SHISAL1: variants seen among roughly 807,000 people sequenced by gnomAD.
SHISAL1 encodes the protein protein shisa-like-1.
In SHISAL1, 9 loss-of-function variants were observed where a neutral mutation model predicts 22.6. The observed-to-expected ratio is 0.40, with a 90% confidence interval of 0.24 to 0.70. The LOEUF is 0.70. SHISAL1 is among the 30% of genes least tolerant of loss of function. SHISAL1 has a pLI of 0.39. For missense variants in SHISAL1, 246 were observed against 270.6 expected (o/e 0.91, Z 0.64); for synonymous variants, 119 against 115.4 (o/e 1.03, Z -0.20).
chr22:44,326,725 G>A, the SHISAL1 span, among the ~76,000 whole-genome samples: 67 of 152,096 alleles, frequency 4.4e-4, no homozygotes, highest in African/African-American at 1.5e-3. Flanking sequence ...AGAGCAGGCT[G>A]GGGGGTATGG....
intron 4 of SHISAL1, among the ~76,000 whole-genome samples, chr22:44,279,579 T>A (rs748055412): frequency 3.9e-5 from 6 of 152,136 alleles, no homozygotes; most frequent in East Asian, 1.9e-4. Flanking sequence ...GGAGGACGAA[T>A]GAGTTTTGCA....
chr22:44,267,705 G>A (rs73888955), intron 4 of SHISAL1, among the ~76,000 whole-genome samples: 5,288 of 152,232 alleles, frequency 0.035, 335 homozygotes, highest in African/African-American at 0.12. Context: ...CCACACTCAT[G>A]CCACCTGGCT....
At chr22:44,325,193 A>T in the SHISAL1 span, among the ~76,000 whole-genome samples, 1 of 150,906 alleles carries the variant, frequency 6.6e-6, no homozygotes, top group South Asian at 2.1e-4. Context: ...CAGTGAGCTG[A>T]GATTGAGCAA....
chr22:44,315,980 G>A (rs899490139), upstream of SHISAL1, among the ~76,000 whole-genome samples: 16 of 152,248 alleles, frequency 1.1e-4, no homozygotes, highest in East Asian at 1.9e-4. Flanking sequence ...AGTGTAAACC[G>A]CCCATATCGA....
intron 3 of SHISAL1, among the ~76,000 whole-genome samples, chr22:44,294,197 T>C (rs2055371160): frequency 6.6e-6 from 1 of 152,222 alleles, no homozygotes; most frequent in Non-Finnish European, 1.5e-5. Flanking sequence ...CCTGATATGA[T>C]GGACAGGGCT....
chr22:44,273,945 C>A (rs1471731116), intron 4 of SHISAL1, among the ~76,000 whole-genome samples: 1 of 152,090 alleles, frequency 6.6e-6, no homozygotes, highest in Non-Finnish European at 1.5e-5. Context: ...AGACTGGGCG[C>A]GGTGGCTCAC....
intron 4 of SHISAL1, among the ~76,000 whole-genome samples, chr22:44,271,133 G>C (rs2055203248): frequency 6.6e-6 from 1 of 152,098 alleles, no homozygotes; most frequent in African/African-American, 2.4e-5. Flanking sequence ...CCCTTGCCAG[G>C]TGGAGCTCAT....
chr22:44,285,950 G>A (rs2055312426), intron 3 of SHISAL1, among the ~76,000 whole-genome samples: 3 of 152,128 alleles, frequency 2.0e-5, no homozygotes, highest in Admixed American at 6.5e-5. Context: ...TCCACTGCCC[G>A]GGCCTGGTCC....
chr22:44,298,951 C>T (rs1051600961), intron 2 of SHISAL1, among the ~76,000 whole-genome samples: 2 of 152,216 alleles, frequency 1.3e-5, no homozygotes, highest in East Asian at 1.9e-4. Flanking sequence ...GCCGGGACAA[C>T]CGGGTGGGAG....
intron 4 of SHISAL1, among the ~76,000 whole-genome samples, chr22:44,267,282 C>G (rs2055170868): frequency 6.6e-6 from 1 of 152,112 alleles, no homozygotes; most frequent in African/African-American, 2.4e-5. Flanking sequence ...CTCGGGGCAT[C>G]TCAAACTCAA....
At chr22:44,325,083 A>G in the SHISAL1 span, among the ~76,000 whole-genome samples, 19 of 152,018 alleles carry the variant, frequency 1.2e-4, no homozygotes, top group African/African-American at 4.3e-4. Context: ...TCTCTACTAA[A>G]ACTACAAAAA....
chr22:44,313,121 C>T (rs1376892438), upstream of SHISAL1, among the ~76,000 whole-genome samples: 1 of 152,230 alleles, frequency 6.6e-6, no homozygotes, highest in East Asian at 1.9e-4. Context: ...CCTCAGAGCA[C>T]CAGCAAGAGC....
At chr22:44,274,274 A>G (rs58244309) in intron 4 of SHISAL1, among the ~76,000 whole-genome samples, 2,978 of 152,158 alleles carry the variant, frequency 0.02, 107 homozygotes, top group African/African-American at 0.068. Flanking sequence ...GTATAGAAAT[A>G]GGGGCACCCC....
upstream of SHISAL1, among the ~76,000 whole-genome samples, chr22:44,317,582 C>T (rs558554169): frequency 1.3e-5 from 2 of 152,380 alleles, no homozygotes; most frequent in Admixed American, 6.5e-5. Flanking sequence ...GTGGACTTCT[C>T]AGCTGCCCTG....
chr22:44,325,369 T>C, the SHISAL1 span, among the ~76,000 whole-genome samples: 1 of 152,072 alleles, frequency 6.6e-6, no homozygotes, highest in Non-Finnish European at 1.5e-5. Flanking sequence ...CATCAGCACA[T>C]TTTCTGGACG....
the SHISAL1 span, among the ~76,000 whole-genome samples, chr22:44,328,789 C>T: frequency 1.3e-5 from 2 of 151,974 alleles, no homozygotes; most frequent in Non-Finnish European, 2.9e-5. Flanking sequence ...CCCTGCCCCA[C>T]CCTGCTATTC....
chr22:44,281,485 C>A (rs1724379820), intron 4 of SHISAL1, among the ~76,000 whole-genome samples: 1 of 151,958 alleles, frequency 6.6e-6, no homozygotes, highest in African/African-American at 2.4e-5. Context: ...CTGCCTCCTG[C>A]CGCGCTGTGA....
At chr22:44,325,232 G>C in the SHISAL1 span, among the ~76,000 whole-genome samples, 1 of 146,400 alleles carries the variant, frequency 6.8e-6, no homozygotes, top group Non-Finnish European at 1.5e-5. Context: ...GACAGAGAGA[G>C]ACTCCGTCTC....
chr22:44,255,124 A>G (rs2055075550), intron 4 of SHISAL1, among the ~76,000 whole-genome samples: 2 of 151,912 alleles, frequency 1.3e-5, no homozygotes, highest in South Asian at 4.2e-4. Flanking sequence ...TCTCTTCTCC[A>G]CAATTTCTAC....
Sources: allele counts gnomAD v4.1 joint callset (sites outside exome capture counted in the v4.1 genomes callset), GRCh38; gene constraint gnomAD v4.1.1; transcripts MANE v1.5; gene names NCBI Gene and HGNC (gene_info 2026-07-23, HGNC 2026-07-21).